The following DAB1 variants were observed in gnomAD, a reference collection of about 807,000 sequenced individuals.
The protein encoded by DAB1 is DAB adaptor protein 1.
In DAB1, 15 loss-of-function variants were observed where a neutral mutation model predicts 64.6. The observed-to-expected ratio is 0.23, with a 90% CI of 0.16 to 0.36. DAB1 has a LOEUF of 0.36. DAB1 is among the 10% of genes least tolerant of loss of function. The pLI, the probability that DAB1 is intolerant of heterozygous loss-of-function variation, is 1.00. For missense variants in DAB1, 596 were observed against 706.7 expected (o/e 0.84, Z 1.78); for synonymous variants, 235 against 251.9 (o/e 0.93, Z 0.64).
At chr1:58,066,570 T>G (rs1648867072) in intron 5 of DAB1, among the ~76,000 whole-genome samples, 1 of 152,210 alleles carries the variant, frequency 6.6e-6, no homozygotes, top group African/African-American at 2.4e-5. Flanking sequence ...GTAGGTGTTA[T>G]TTTACAGATG....
At chr1:57,812,584 G>T (rs2101886415) in intron 6 of DAB1, among the ~76,000 whole-genome samples, 1 of 152,262 alleles carries the variant, frequency 6.6e-6, no homozygotes, top group African/African-American at 2.4e-5. Context: ...AGACAGGCAG[G>T]AATACATTCA....
intron 6 of DAB1, among the ~76,000 whole-genome samples, chr1:57,772,719 G>T (rs1477151610): frequency 6.6e-6 from 1 of 151,980 alleles, no homozygotes; most frequent in Non-Finnish European, 1.5e-5. Context: ...TGCCATTCTA[G>T]TAGGCATTCT....
chr1:57,713,550 G>A (rs1171218505), intron 6 of DAB1, among the ~76,000 whole-genome samples: 1 of 152,166 alleles, frequency 6.6e-6, no homozygotes, highest in Non-Finnish European at 1.5e-5. Context: ...GCTATAATGG[G>A]AAGGCATTTT....
intron 3 of DAB1, among the ~76,000 whole-genome samples, chr1:58,410,579 T>C (rs1644658700): frequency 6.6e-6 from 1 of 152,234 alleles, no homozygotes; most frequent in African/African-American, 2.4e-5. Flanking sequence ...GAGCAGGTCT[T>C]ACTAGTCCCA....
intron 6 of DAB1, among the ~76,000 whole-genome samples, chr1:57,674,783 T>G (rs1646546679): frequency 6.6e-6 from 1 of 152,250 alleles, no homozygotes; most frequent in South Asian, 2.1e-4. Flanking sequence ...GGTACTATTA[T>G]TGTTCTCCCC....
intron 7 of DAB1, among the ~76,000 whole-genome samples, chr1:57,613,128 A>T (rs770329099): frequency 1.3e-5 from 2 of 152,248 alleles, no homozygotes; most frequent in Non-Finnish European, 2.9e-5. Flanking sequence ...ATAAGTATGT[A>T]GTCTTTTACA....
intron 7 of DAB1, among the ~76,000 whole-genome samples, chr1:57,518,601 G>A (rs939877180): frequency 1.3e-5 from 2 of 152,116 alleles, no homozygotes; most frequent in Admixed American, 1.3e-4. Flanking sequence ...AAGCCTCACA[G>A]CTTGTCCCCC....
intron 6 of DAB1, among the ~76,000 whole-genome samples, chr1:57,805,447 T>C (rs889303460): frequency 3.3e-5 from 5 of 152,222 alleles, no homozygotes; most frequent in Non-Finnish European, 7.3e-5. Flanking sequence ...TTCTGTGCTT[T>C]TCCCCAGGTT....
At chr1:57,275,601 C>CA (rs1396039050) in intron 2 of DAB1, among the ~76,000 whole-genome samples, 1 of 151,974 alleles carries the variant, frequency 6.6e-6, no homozygotes, top group East Asian at 1.9e-4. Context: ...ACAGATGAAC[C>CA]AAAAAATCAA....
chr1:57,814,313 A>G (rs1651757796), intron 6 of DAB1, among the ~76,000 whole-genome samples: 1 of 152,208 alleles, frequency 6.6e-6, no homozygotes, highest in Non-Finnish European at 1.5e-5. Flanking sequence ...CAAGTTTTTA[A>G]ATATTTACAA....
At chr1:57,284,480 A>G (rs536786879) in intron 2 of DAB1, among the ~76,000 whole-genome samples, 25 of 152,296 alleles carry the variant, frequency 1.6e-4, no homozygotes, top group African/African-American at 6.0e-4. Context: ...TTATCTCTAC[A>G]TCCATTTGGT....
intron 7 of DAB1, among the ~76,000 whole-genome samples, chr1:57,515,530 A>G (rs972746672): frequency 6.6e-6 from 1 of 152,234 alleles, no homozygotes; most frequent in African/African-American, 2.4e-5. Context: ...AAATATTTGA[A>G]GCAAGGTATT....
At chr1:57,755,471 T>C (rs1175738746) in intron 6 of DAB1, among the ~76,000 whole-genome samples, 2 of 152,196 alleles carry the variant, frequency 1.3e-5, no homozygotes, top group East Asian at 1.9e-4. Flanking sequence ...GAGAACAAAA[T>C]TGGTCGATCC....
intron 4 of DAB1, among the ~76,000 whole-genome samples, chr1:58,267,744 C>T (rs113241598): frequency 4.6e-5 from 7 of 152,286 alleles, no homozygotes; most frequent in African/African-American, 1.7e-4. Context: ...ACAATACCTT[C>T]TATTTTTTTA....
chr1:57,714,911 G>A (rs989336122), intron 6 of DAB1, among the ~76,000 whole-genome samples: 1 of 152,104 alleles, frequency 6.6e-6, no homozygotes, highest in African/African-American at 2.4e-5. Flanking sequence ...AACAGTTAAA[G>A]AACATTTGGA....
intron 7 of DAB1, among the ~76,000 whole-genome samples, chr1:57,520,520 G>A (rs558242256): frequency 3.9e-5 from 6 of 152,042 alleles, no homozygotes; most frequent in Non-Finnish European, 8.8e-5. Context: ...AAAAAAATCA[G>A]TGTAAATTAT....
chr1:57,413,980 C>G (rs953848046), intron 1 of DAB1, among the ~76,000 whole-genome samples: 10 of 152,116 alleles, frequency 6.6e-5, no homozygotes, highest in Non-Finnish European at 1.3e-4. Context: ...GCTGTAGTCT[C>G]ATGCTACAAC....
chr1:58,092,248 T>C (rs771916329), intron 5 of DAB1, among the ~76,000 whole-genome samples: 1 of 151,572 alleles, frequency 6.6e-6, no homozygotes, highest in Non-Finnish European at 1.5e-5. Context: ...AGGCAGAGAA[T>C]TGCTTGAACC....
chr1:57,447,417 C>G (rs1686182713), intron 7 of DAB1, among the ~76,000 whole-genome samples: 8 of 152,202 alleles, frequency 5.3e-5, no homozygotes, highest in Admixed American at 5.2e-4. Flanking sequence ...AGACTTATCT[C>G]TCTCTGGGCA....
Sources: allele counts gnomAD v4.1 joint callset (sites outside exome capture counted in the v4.1 genomes callset), GRCh38; gene constraint gnomAD v4.1.1; transcripts MANE v1.5; gene names NCBI Gene and HGNC (gene_info 2026-07-23, HGNC 2026-07-21).